The following TTLL1 variants were observed in gnomAD, a reference collection of about 807,000 sequenced individuals.
TTLL1 encodes polyglutamylase complex subunit TTLL1.
TTLL1 carries 33 observed loss-of-function variants against 47.8 expected under a neutral mutation model. The observed-to-expected ratio is 0.69, with a 90% confidence interval of 0.52 to 0.92. The LOEUF (loss-of-function observed/expected upper bound fraction) is 0.92, where lower values mean the gene tolerates loss of function less well. Among genes scored for constraint, TTLL1 ranks in the 40% least tolerant of loss-of-function variants. The probability of loss-of-function intolerance (pLI) is 0.00; values close to 1 mark genes in which losing one functional copy is unlikely to be tolerated. For synonymous variants in TTLL1, 225 were observed against 214.1 expected (o/e 1.05, Z -0.45); for missense variants, 488 against 547.5 (o/e 0.89, Z 1.08).
chr22:43,044,143 C>T (rs996204558), intron 10 of TTLL1, among the ~76,000 whole-genome samples: 9 of 152,018 alleles, frequency 5.9e-5, no homozygotes, highest in African/African-American at 2.2e-4. Flanking sequence ...GTCCCCGCTG[C>T]CCTCTGTCTT....
rs1927981118 is a variant in TTLL1 at position 43,069,652 on chromosome 22, T to C, written c.306A>G (p.Gly102=). ...CGCACAAACCCAGATAGAGGTATTT[T>C]CCATTTTCATCTTTTTCTGCCAGAG... ...GSPLAEKDEN[G]KYLYLDFVPV... Residue 102 remains glycine, a synonymous_variant, in exon 4 of 11, where the codon GGA becomes GGG. Coordinates refer to ENST00000266254, the MANE Select transcript of TTLL1 (RefSeq NM_012263.5). 6.2e-7 allele frequency: 1 copy of C among 1,614,098 alleles called. No homozygotes were observed. Among genetic ancestry groups the C allele is most frequent in the African/African-American group, 1.3e-5 (1 of 74,934 alleles).
At chr22:43,051,661 A>G (rs1926629784) in intron 9 of TTLL1, 140 bp downstream of exon 9, 1 of 808,356 alleles carries the variant, frequency 1.2e-6, no homozygotes, top group Admixed American at 2.0e-5. Flanking sequence ...ATCAGCAAAC[A>G]ATCAAACTCG....
At chr22:43,061,164 T>G (rs1927367082) in intron 7 of TTLL1, among the ~76,000 whole-genome samples, 1 of 152,162 alleles carries the variant, frequency 6.6e-6, no homozygotes, top group Non-Finnish European at 1.5e-5. Context: ...TACTCCAGCG[T>G]GGGTGACAGA....
At position 43,083,355 on chromosome 22, in the gene TTLL1, C is replaced by T. The variant is rs577242895; in HGVS notation, c.-89-3369G>A. On this transcript the variant is annotated intron_variant, in intron 1 of 10. Coordinates refer to ENST00000266254, the MANE Select transcript of TTLL1 (RefSeq NM_012263.5). ...CTGCAGTCCAGCCTGGGCGACAGAGCGAGACTTAGTCTCAAACAAACAGAC... is the reference window on the plus strand; with the variant it reads ...CTGCAGTCCAGCCTGGGCGACAGAGTGAGACTTAGTCTCAAACAAACAGAC... Among the ~76,000 whole-genome samples, 5 of 151,792 alleles carry T rather than the reference C, an allele frequency of 3.3e-5. No homozygotes were observed. The South Asian group carries it at 6.3e-4, about 19-fold the overall frequency.
Position 43,067,906 on chromosome 22 carries a change from C to T in TTLL1, c.503+504G>A, listed in dbSNP as rs149944078. 8.5e-3 allele frequency among the ~76,000 whole-genome samples: 1,294 copies of T among 151,614 alleles called. 21 individuals carry two copies. Among genetic ancestry groups the T allele is most frequent in the African/African-American group, 0.03 (1,253 of 41,336 alleles). ...GCAACCTCTGCCTTCTGGGTTCAAG[C>T]GATTCTCCTGCCTCAGCCTCCTGAG... is the stretch of plus-strand genomic sequence containing the variant. On this transcript the variant is annotated intron_variant, in intron 5 of 10. Coordinates refer to ENST00000266254, the MANE Select transcript of TTLL1 (RefSeq NM_012263.5).
rs1269762377 is a variant in TTLL1, at chr22:43,062,423, G to A, written c.747+1390C>T. The stretch of plus-strand genomic sequence containing the variant: ...GGAGAATCGCTTGAACCTGGGAGGC[G>A]GAGGTTGCAGTGAGCTGAGATCACG... On this transcript the variant is annotated intron_variant, in intron 7 of 10. Coordinates refer to ENST00000266254, the MANE Select transcript of TTLL1 (RefSeq NM_012263.5). 6.0e-5 allele frequency among the ~76,000 whole-genome samples: 9 copies of A among 149,208 alleles called. No homozygotes were observed. In the East Asian group the frequency reaches 1.2e-3, roughly 20 times the overall value.
chr22:43,063,414 C>T (rs1927513249), intron 7 of TTLL1, among the ~76,000 whole-genome samples: 1 of 152,182 alleles, frequency 6.6e-6, no homozygotes, highest in Admixed American at 6.6e-5. Flanking sequence ...ACTTCTATAC[C>T]CACCCTGTTC....
At position 43,069,639 on chromosome 22, in the gene TTLL1, G is replaced by C; in HGVS notation, c.319C>G (p.Leu107Val). Residue 107 changes from leucine (L) to valine (V), a missense_variant, in exon 4 of 11, where the codon CTG becomes GTG. By Grantham distance (32) the Leu-to-Val change is conservative (BLOSUM62 1). Coordinates refer to ENST00000266254, the MANE Select transcript of TTLL1 (RefSeq NM_012263.5). ...AGCCGGTGGAAGACGCACAAACCCA[G>C]ATAGAGGTATTTTCCATTTTCATCT... is the stretch of plus-strand genomic sequence containing the variant. ...EKDENGKYLY[L>V]DFVPVTYMLP... The C allele has an allele frequency of 6.2e-7, 1 of 1,614,154 alleles. No homozygotes were observed. Among genetic ancestry groups the C allele is most frequent in the Non-Finnish European group, 8.5e-7 (1 of 1,180,044 alleles).
At chr22:43,059,360 C>T in intron 8 of TTLL1, 24 bp downstream of exon 8, 1 of 1,591,234 alleles carries the variant, frequency 6.3e-7, no homozygotes, top group Non-Finnish European at 8.6e-7. Flanking sequence ...TGGGAGCCGG[C>T]TCCCCCGCCC....
At chr22:43,052,174 G>T (rs1926685295) in intron 8 of TTLL1, 1 of 423,792 alleles carries the variant, frequency 2.4e-6, no homozygotes, top group Admixed American at 3.5e-5. Flanking sequence ...GTTGGCGTGA[G>T]ACTGTCATCA....
chr22:43,084,153 A>T (rs543001544), intron 1 of TTLL1, among the ~76,000 whole-genome samples: 1 of 148,282 alleles, frequency 6.7e-6, no homozygotes. Flanking sequence ...CTCTAAACAT[A>T]TTTTTTTTCT....
chr22:43,045,097 G>A (rs541677506), intron 10 of TTLL1, among the ~76,000 whole-genome samples: 57 of 152,174 alleles, frequency 3.7e-4, no homozygotes, highest in African/African-American at 6.0e-4. Context: ...TCCTGAGCTC[G>A]TGATCCACCT....
intron 10 of TTLL1, 169 bp from the exon 11 acceptor site, chr22:43,040,074 C>A: frequency 1.2e-6 from 1 of 813,002 alleles, no homozygotes; most frequent in Non-Finnish European, 1.9e-6. Flanking sequence ...GGCTCCAGCC[C>A]ACCTGCCTGC....
chr22:43,044,116 A>C (rs1601650214), intron 10 of TTLL1, among the ~76,000 whole-genome samples: 8 of 136,306 alleles, frequency 5.9e-5, no homozygotes, highest in African/African-American at 1.7e-4. Flanking sequence ...ACTGCCACCC[A>C]CCCCCATCTT....
At chr22:43,048,403 G>C (rs1309967336) in intron 9 of TTLL1, among the ~76,000 whole-genome samples, 1 of 150,532 alleles carries the variant, frequency 6.6e-6, no homozygotes, top group African/African-American at 2.4e-5. Flanking sequence ...GGGAGGCCGA[G>C]GTGGAGGGAT....
chr22:43,072,990 A>T (rs917512230), intron 3 of TTLL1, among the ~76,000 whole-genome samples: 27 of 151,744 alleles, frequency 1.8e-4, no homozygotes, highest in Admixed American at 1.3e-3. Context: ...ATTCAAATAC[A>T]TATGATAAGT....
chr22:43,077,923 A>G (rs376474624), intron 2 of TTLL1, among the ~76,000 whole-genome samples: 273 of 152,242 alleles, frequency 1.8e-3, no homozygotes, highest in African/African-American at 6.3e-3. Context: ...CCTGGGCAAC[A>G]TGGCAAAACC....
At chr22:43,085,388 T>C (rs1216835127) in intron 1 of TTLL1, among the ~76,000 whole-genome samples, 2 of 152,238 alleles carry the variant, frequency 1.3e-5, no homozygotes, top group Non-Finnish European at 2.9e-5. Context: ...AGGCAGATGA[T>C]ATGATTTGTC....
chr22:43,059,835 A>C (rs1927282127), intron 7 of TTLL1, among the ~76,000 whole-genome samples: 3 of 152,126 alleles, frequency 2.0e-5, no homozygotes. Flanking sequence ...GACTACAGGC[A>C]TGTGCCACTA....
Sources: allele counts gnomAD v4.1 joint callset (sites outside exome capture counted in the v4.1 genomes callset), GRCh38; gene constraint gnomAD v4.1.1; transcripts MANE v1.5; gene names NCBI Gene and HGNC (gene_info 2026-07-23, HGNC 2026-07-21).